Variants in BMP7 observed in about 807,000 individuals in gnomAD.
BMP7 encodes the protein bone morphogenetic protein 7.
A neutral mutation model predicts 41.2 loss-of-function variants in BMP7; 12 were observed. The observed-to-expected ratio is 0.29, with a 90% CI of 0.19 to 0.47. The LOEUF is 0.47. Among genes scored for constraint, BMP7 ranks in the 20% least tolerant of loss-of-function variants. The pLI, the probability that BMP7 is intolerant of heterozygous loss-of-function variation, is 0.99. For synonymous variants in BMP7, 248 were observed against 250.0 expected (o/e 0.99, Z 0.07); for missense variants, 467 against 606.0 (o/e 0.77, Z 2.41).
At chr20:57,176,984 A>T (rs538766368) in intron 4 of BMP7, among the ~76,000 whole-genome samples, 1 of 152,272 alleles carries the variant, frequency 6.6e-6, no homozygotes, top group Admixed American at 6.5e-5. Flanking sequence ...CCTAAGCCTT[A>T]CTTTCTTCAT....
At chr20:57,264,230 G>A (rs1446782448) in intron 1 of BMP7, among the ~76,000 whole-genome samples, 1 of 152,214 alleles carries the variant, frequency 6.6e-6, no homozygotes, top group African/African-American at 2.4e-5. Context: ...GAAGCATGAA[G>A]GCGGATCTGC....
chr20:57,265,574 C>T (rs2066173411), intron 1 of BMP7, 131 bp downstream of exon 1: 2 of 1,415,636 alleles, frequency 1.4e-6, no homozygotes. Context: ...GGTGGGAGAC[C>T]CTCGGGCAGG....
At chr20:57,217,773 C>T (rs1985067258) in intron 2 of BMP7, among the ~76,000 whole-genome samples, 3 of 152,150 alleles carry the variant, frequency 2.0e-5, no homozygotes, top group South Asian at 4.2e-4. Flanking sequence ...CAAAGGGGTC[C>T]GGAATAAATG....
intron 6 of BMP7, among the ~76,000 whole-genome samples, chr20:57,172,160 G>A (rs1158994107): frequency 6.6e-6 from 1 of 152,156 alleles, no homozygotes; most frequent in Non-Finnish European, 1.5e-5. Flanking sequence ...CTGGCAGCCG[G>A]GGAGACATGC....
chr20:57,250,892 C>T (rs1482988947), intron 1 of BMP7, among the ~76,000 whole-genome samples: 1 of 152,184 alleles, frequency 6.6e-6, no homozygotes, highest in Non-Finnish European at 1.5e-5. Flanking sequence ...TGTGTCCAGT[C>T]GACACCGACA....
intron 2 of BMP7, among the ~76,000 whole-genome samples, chr20:57,209,269 A>G (rs900634573): frequency 1.5e-5 from 2 of 132,398 alleles, no homozygotes; most frequent in South Asian, 4.7e-4. Flanking sequence ...ATATATATAT[A>G]TATATATATA....
At chr20:57,232,499 G>A (rs997456707) in intron 1 of BMP7, among the ~76,000 whole-genome samples, 1 of 152,158 alleles carries the variant, frequency 6.6e-6, no homozygotes, top group Admixed American at 6.5e-5. Context: ...TTAGAGTCAT[G>A]CCCAATGAAG....
In BMP7 at chr20:57,173,189, G is replaced by A. The variant is rs368543219; in HGVS notation, c.1146+11C>T. ...CCAGGTGACCACACCCCAAGATGGC[G>A]TGACACCCACCAGCGTCTGCACGAT... On this transcript the variant is annotated intron_variant, in intron 6 of 6. Transcript: ENST00000395863. 2.9e-5 allele frequency: 47 copies of A among 1,612,674 alleles called. No individual in the cohort carries two copies. Among genetic ancestry groups the A allele is most frequent in the Admixed American group, 1.5e-4 (9 of 60,008 alleles).
rs377176431 is a variant in BMP7, at chr20:57,173,161, G to A, written c.1146+39C>T. ...GATCTGGTGGCCCCGCAGCCTGCCC[G>A]GCCCAGGTGACCACACCCCAAGATG... is the stretch of plus-strand genomic sequence containing the variant. On this transcript the variant is annotated intron_variant, in intron 6 of 6. Transcript: ENST00000395863. The A allele has an allele frequency of 2.5e-5, 40 of 1,591,802 alleles. No homozygotes were observed. In the African/African-American group the frequency reaches 3.9e-4, roughly 15 times the overall value.
chr20:57,189,933 G>T (rs1310698825), intron 3 of BMP7, among the ~76,000 whole-genome samples: 2 of 152,242 alleles, frequency 1.3e-5, no homozygotes, highest in South Asian at 2.1e-4. Flanking sequence ...CCTAGGACAG[G>T]GTGGCAGGGA....
intron 3 of BMP7, among the ~76,000 whole-genome samples, chr20:57,184,386 G>A (rs928489229): frequency 5.3e-5 from 8 of 152,214 alleles, no homozygotes; most frequent in African/African-American, 1.9e-4. Context: ...GTAACAGTGA[G>A]TGAGGGGGCC....
At chr20:57,198,976 G>A (rs1984563754) in intron 3 of BMP7, among the ~76,000 whole-genome samples, 1 of 152,186 alleles carries the variant, frequency 6.6e-6, no homozygotes, top group Non-Finnish European at 1.5e-5. Flanking sequence ...TAACTGCCTA[G>A]TGGTTGCAAG....
intron 3 of BMP7, among the ~76,000 whole-genome samples, chr20:57,192,441 G>A (rs185294297): frequency 6.6e-6 from 1 of 150,958 alleles, no homozygotes; most frequent in African/African-American, 2.4e-5. Context: ...GCTGAGAAAG[G>A]TTATTTTGCA....
intron 2 of BMP7, among the ~76,000 whole-genome samples, chr20:57,207,449 C>T (rs571921984): frequency 3.9e-5 from 6 of 152,268 alleles, no homozygotes; most frequent in South Asian, 2.1e-4. Flanking sequence ...AGCAATAAAA[C>T]GATGTTGTTT....
chr20:57,253,975 C>T (rs1229063312), intron 1 of BMP7, among the ~76,000 whole-genome samples: 2 of 151,006 alleles, frequency 1.3e-5, no homozygotes, highest in Non-Finnish European at 2.9e-5. Flanking sequence ...GGCCTAAGAT[C>T]CAGTCCAGGA....
chr20:57,229,652 C>T (rs1428192947), intron 1 of BMP7, among the ~76,000 whole-genome samples: 1 of 152,188 alleles, frequency 6.6e-6, no homozygotes, highest in African/African-American at 2.4e-5. Context: ...AATACAAGCC[C>T]ATCTCCACTT....
chr20:57,214,747 T>C lies in BMP7; in HGVS notation c.612-12124A>G, dbSNP rs2123103478. The C allele has an allele frequency of 6.6e-6, 1 of 152,468 alleles. No homozygotes were observed. The highest frequency in any genetic ancestry group is 2.1e-4 in the South Asian group (1 of 4,834). The allele number at this position is 152,468 out of a possible 1,614,324, so 9.4% of individuals were successfully genotyped here. A position where few individuals can be genotyped will look rare whatever the true frequency, so the allele number is the denominator to read the frequency against. On this transcript the variant is annotated intron_variant, in intron 2 of 6. Transcript: ENST00000395863. This position sits in a 1 kb window ranked among gnomAD's most constrained non-coding sequence, Gnocchi z 4.0. ...CCCAAGTCCTCTCCCCTGCGCCATC[T>C]GGGCTGGAGTTTCAGTTTGTTTGTA...
rs1280192299 is a variant in BMP7 at position 57,224,387 on chromosome 20, G to C, written c.611+3842C>G. Among the ~76,000 whole-genome samples, 5 of 152,196 alleles carry C rather than the reference G, an allele frequency of 3.3e-5. No homozygotes were observed. The highest frequency in any genetic ancestry group is 7.3e-5 in the Non-Finnish European group (5 of 68,030). ...TGCCCTGGCTGGCCTTGGCCTCCCA[G>C]GGAGGTTCTCAGAGGCCAGCTCCCA... On this transcript the variant is annotated intron_variant, in intron 2 of 6. Coordinates refer to ENST00000395863, the MANE Select transcript of BMP7 (RefSeq NM_001719.3). The surrounding 1 kb of genome is among the most constrained non-coding windows in gnomAD (Gnocchi z 4.8).
At chr20:57,194,118 C>G (rs57352561) in intron 3 of BMP7, among the ~76,000 whole-genome samples, 2,800 of 152,314 alleles carry the variant, frequency 0.018, 79 homozygotes, top group African/African-American at 0.063. Context: ...AAAAGGCAGG[C>G]ACATGATGAG....
Sources: gnomAD v4.1 joint callset for allele counts (sites outside exome capture counted in the v4.1 genomes callset) on GRCh38, gnomAD v4.1.1 for gene constraint, Gnocchi (gnomAD v3.1) non-coding constraint, MANE v1.5 for transcripts, NCBI Gene and HGNC (gene_info 2026-07-23, HGNC 2026-07-21) for gene names.